CNTN5: variants seen among roughly 807,000 people sequenced by gnomAD.
CNTN5 encodes contactin-5.
A neutral mutation model predicts 129.1 loss-of-function variants in CNTN5; 77 were observed. The observed-to-expected ratio is 0.60, with a 90% CI of 0.50 to 0.72. The LOEUF (loss-of-function observed/expected upper bound fraction) is 0.72, where lower values mean the gene tolerates loss of function less well. Among genes scored for constraint, CNTN5 ranks in the 30% least tolerant of loss-of-function variants. The pLI is 0.00. For missense variants in CNTN5, 1,478 were observed against 1,328.8 expected (o/e 1.11, Z -1.75); for synonymous variants, 509 against 465.6 (o/e 1.09, Z -1.20).
chr11:100,252,525 T>G (rs113473590), intron 16 of CNTN5, among the ~76,000 whole-genome samples: 70 of 152,328 alleles, frequency 4.6e-4, no homozygotes, highest in African/African-American at 1.6e-3. Flanking sequence ...TATATTTTTT[T>G]CTAGTAGTTT....
At chr11:100,048,891 C>T (rs1310216354) in intron 9 of CNTN5, among the ~76,000 whole-genome samples, 1 of 151,832 alleles carries the variant, frequency 6.6e-6, no homozygotes, top group African/African-American at 2.4e-5. Context: ...GAAGATACAA[C>T]ATAAACTAAT....
intron 17 of CNTN5, among the ~76,000 whole-genome samples, chr11:100,263,943 C>T (rs1260824981): frequency 6.6e-6 from 1 of 152,108 alleles, no homozygotes; most frequent in Non-Finnish European, 1.5e-5. Context: ...ATCCTATGCC[C>T]ATAGCAATCC....
chr11:99,618,019 T>C (rs11220656), intron 3 of CNTN5, among the ~76,000 whole-genome samples: 24,926 of 151,876 alleles, frequency 0.16, 2,242 homozygotes, highest in Non-Finnish European at 0.2. Flanking sequence ...AATGAAGGAG[T>C]GGAGTAGTGA....
chr11:100,111,186 G>A (rs1025560381), intron 13 of CNTN5, among the ~76,000 whole-genome samples: 1 of 152,128 alleles, frequency 6.6e-6, no homozygotes, highest in Non-Finnish European at 1.5e-5. Context: ...GGAGTGGAGA[G>A]GGAAAGGTTA....
At chr11:99,854,461 G>T (rs1219943218) in intron 6 of CNTN5, among the ~76,000 whole-genome samples, 1 of 151,994 alleles carries the variant, frequency 6.6e-6, no homozygotes, top group Non-Finnish European at 1.5e-5. Flanking sequence ...AGGTAAAAAG[G>T]GCTTGAATTC....
At chr11:99,794,134 T>C (rs1945850236) in intron 3 of CNTN5, among the ~76,000 whole-genome samples, 1 of 152,076 alleles carries the variant, frequency 6.6e-6, no homozygotes, top group Admixed American at 6.6e-5. Flanking sequence ...AGATAGGTCT[T>C]TTTGTTGAAT....
rs191017833 is a variant in CNTN5, at chr11:100,039,887, C to T, written c.981-21325C>T. Among the ~76,000 whole-genome samples, 14 of 152,188 alleles carry T rather than the reference C, an allele frequency of 9.2e-5. 1 individual carries two copies. Among genetic ancestry groups the T allele is most frequent in the Admixed American group, 8.5e-4 (13 of 15,292 alleles). Reference sequence around the variant, plus strand: ...CCATTCATCTAACTTTTTTTCAAAGCTTTCAACTTCTTTGCCATTGGTTCG... The same window carrying T: ...CCATTCATCTAACTTTTTTTCAAAGTTTTCAACTTCTTTGCCATTGGTTCG... On this transcript the variant is annotated intron_variant, in intron 9 of 24. Coordinates refer to ENST00000524871, the MANE Select transcript of CNTN5 (RefSeq NM_014361.4).
intron 1 of CNTN5, among the ~76,000 whole-genome samples, chr11:99,106,111 G>C (rs557570400): frequency 3.3e-5 from 5 of 152,212 alleles, no homozygotes; most frequent in Admixed American, 6.5e-5. Context: ...TGTCATCTGA[G>C]TGAGATTTGA....
At chr11:99,990,266 T>C (rs1938979102) in intron 8 of CNTN5, among the ~76,000 whole-genome samples, 1 of 152,098 alleles carries the variant, frequency 6.6e-6, no homozygotes, top group African/African-American at 2.4e-5. Context: ...AGTCTTAAAA[T>C]TTAGTAATCA....
At chr11:99,550,721 C>T (rs530338803) in intron 2 of CNTN5, among the ~76,000 whole-genome samples, 1 of 152,226 alleles carries the variant, frequency 6.6e-6, no homozygotes, top group Non-Finnish European at 1.5e-5. Context: ...CCATCATTAC[C>T]TTAATAAATG....
chr11:99,868,355 C>A (rs1016821553), intron 6 of CNTN5, among the ~76,000 whole-genome samples: 1 of 152,078 alleles, frequency 6.6e-6, no homozygotes, highest in Non-Finnish European at 1.5e-5. Context: ...TTGTTGTATG[C>A]CAGTTACTGT....
chr11:99,918,586 C>G (rs1048079660), intron 7 of CNTN5, among the ~76,000 whole-genome samples: 17 of 152,256 alleles, frequency 1.1e-4, no homozygotes, highest in Middle Eastern at 3.4e-3. Flanking sequence ...GCTCTCATCA[C>G]CAAGTCACAC....
intron 3 of CNTN5, among the ~76,000 whole-genome samples, chr11:99,672,033 A>G (rs1953067275): frequency 6.6e-6 from 1 of 152,162 alleles, no homozygotes; most frequent in Non-Finnish European, 1.5e-5. Context: ...CCTGCTAATC[A>G]GCGGTATCCA....
At chr11:100,263,048 A>G (rs1256832438) in intron 17 of CNTN5, among the ~76,000 whole-genome samples, 2 of 151,970 alleles carry the variant, frequency 1.3e-5, no homozygotes, top group African/African-American at 4.8e-5. Flanking sequence ...ATCTCTAATC[A>G]TTTTCTTTTC....
At chr11:99,870,629 TG>T (rs1948479839) in intron 6 of CNTN5, among the ~76,000 whole-genome samples, 1 of 152,156 alleles carries the variant, frequency 6.6e-6, no homozygotes, top group Admixed American at 6.5e-5. Flanking sequence ...CATAGACCTC[TG>T]GGTCAGAAAA....
At chr11:100,099,741 A>G (rs554415339) in intron 13 of CNTN5, among the ~76,000 whole-genome samples, 1 of 151,996 alleles carries the variant, frequency 6.6e-6, no homozygotes, top group East Asian at 1.9e-4. Context: ...CCAGTTGAAG[A>G]ATTCATCATT....
intron 9 of CNTN5, among the ~76,000 whole-genome samples, chr11:100,052,879 T>C (rs1565831125): frequency 2.0e-5 from 3 of 151,852 alleles, no homozygotes; most frequent in East Asian, 3.9e-4. Flanking sequence ...TATAGATTAA[T>C]GCAACAGAAG....
chr11:99,525,850 A>G (rs10790769), intron 2 of CNTN5, among the ~76,000 whole-genome samples: 39,884 of 152,092 alleles, frequency 0.26, 5,628 homozygotes, highest in Non-Finnish European at 0.32. Flanking sequence ...AGACATTTTC[A>G]TTAACTAGAA....
chr11:99,236,822 G>A lies in CNTN5; in HGVS notation c.-209-88524G>A, dbSNP rs531707033. ...TGCATATTTCATCAGATGAAATTTA[G>A]AGTCATTGTCAAGTTTTCCTTGGTC... On this transcript the variant is annotated intron_variant, in intron 1 of 24. Coordinates refer to ENST00000524871, the MANE Select transcript of CNTN5 (RefSeq NM_014361.4). Among the ~76,000 whole-genome samples the A allele has an allele frequency of 6.6e-5, 10 of 152,070 alleles. No homozygotes were observed. In the South Asian group the frequency reaches 2.1e-3, roughly 32 times the overall value.
Sources: allele counts gnomAD v4.1 joint callset (sites outside exome capture counted in the v4.1 genomes callset), GRCh38; gene constraint gnomAD v4.1.1; transcripts MANE v1.5; gene names NCBI Gene and HGNC (gene_info 2026-07-23, HGNC 2026-07-21).